Variants in BAZ2B observed in about 807,000 individuals in gnomAD.
BAZ2B encodes the protein bromodomain adjacent to zinc finger domain protein 2B.
Under a neutral mutation model 246.0 loss-of-function variants are expected in BAZ2B, and 91 were observed. That is an observed-to-expected ratio of 0.37 (90% confidence interval 0.31 to 0.44). BAZ2B has a LOEUF of 0.44. Ranked by LOEUF, BAZ2B falls within the 20% of genes least tolerant of loss-of-function variation. The probability of loss-of-function intolerance (pLI) is 1.00; values close to 1 mark genes in which losing one functional copy is unlikely to be tolerated. For missense variants in BAZ2B, 2,332 were observed against 2,533.7 expected (o/e 0.92, Z 1.71); for synonymous variants, 855 against 860.0 (o/e 0.99, Z 0.10).
intron 2 of BAZ2B, among the ~76,000 whole-genome samples, chr2:159,536,857 T>C (rs1332465098): frequency 6.6e-6 from 1 of 152,218 alleles, no homozygotes; most frequent in Non-Finnish European, 1.5e-5. Context: ...TTTGTTGACA[T>C]TGAAAGAACT....
At chr2:159,518,425 T>C (rs2083672628) in intron 2 of BAZ2B, among the ~76,000 whole-genome samples, 1 of 152,180 alleles carries the variant, frequency 6.6e-6, no homozygotes, top group South Asian at 2.1e-4. Flanking sequence ...GACCTGGTAG[T>C]GCTATACAGA....
intron 28 of BAZ2B, 64 bp from the exon 29 acceptor site, chr2:159,349,344 G>A (rs2094710687): frequency 5.6e-6 from 8 of 1,423,584 alleles, no homozygotes; most frequent in South Asian, 1.6e-5. Flanking sequence ...AAAAATGTTT[G>A]GAATATGAAA....
chr2:159,475,240 C>A (rs1409821975), intron 3 of BAZ2B, among the ~76,000 whole-genome samples: 7 of 152,108 alleles, frequency 4.6e-5, no homozygotes, highest in African/African-American at 1.7e-4. Context: ...TTCTTGGAGG[C>A]TTTGTTCTGT....
the BAZ2B span, among the ~76,000 whole-genome samples, chr2:159,627,519 CA>C: frequency 1.3e-5 from 2 of 152,104 alleles, no homozygotes; most frequent in Admixed American, 6.6e-5. Context: ...TCAACATATG[CA>C]AATCAATAAA....
intron 3 of BAZ2B, chr2:159,462,199 G>GA: frequency 1.6e-5 from 7 of 444,840 alleles, no homozygotes; most frequent in Non-Finnish European, 2.9e-5. Flanking sequence ...AGCAATAACA[G>GA]AAAATTACAA....
intron 13 of BAZ2B, among the ~76,000 whole-genome samples, chr2:159,414,516 G>A (rs2067325566): frequency 6.6e-6 from 1 of 152,112 alleles, no homozygotes; most frequent in Admixed American, 6.5e-5. Context: ...CTGTATGCCT[G>A]TATCAAAATA....
intron 20 of BAZ2B, among the ~76,000 whole-genome samples, chr2:159,390,308 C>G (rs142172828): frequency 9.6e-4 from 146 of 152,198 alleles, no homozygotes; most frequent in Admixed American, 3.9e-3. Context: ...CCAGACTCTT[C>G]TTTTCTAATC....
At chr2:159,608,085 T>C (rs905136105) in intron 1 of BAZ2B, among the ~76,000 whole-genome samples, 23 of 152,194 alleles carry the variant, frequency 1.5e-4, no homozygotes, top group Admixed American at 4.6e-4. Context: ...TATAGAAAAA[T>C]TCAGTCAGGC....
intron 3 of BAZ2B, 82 bp downstream of exon 3, chr2:159,478,493 A>AC: frequency 1.4e-6 from 2 of 1,415,622 alleles, no homozygotes; most frequent in Non-Finnish European, 1.9e-6. Flanking sequence ...TCATGAGAAT[A>AC]TTTTATTCAG....
chr2:159,336,587 C>T (rs957901493), intron 33 of BAZ2B, among the ~76,000 whole-genome samples: 4 of 152,086 alleles, frequency 2.6e-5, no homozygotes, highest in Non-Finnish European at 4.4e-5. Context: ...ATTTTAGCTA[C>T]GCAGTAATAT....
intron 6 of BAZ2B, among the ~76,000 whole-genome samples, chr2:159,443,772 C>T (rs2073845488): frequency 6.6e-6 from 1 of 152,020 alleles, no homozygotes. Context: ...GAAAGAGGTG[C>T]CTCTTTGAGT....
At chr2:159,454,824 C>A (rs1004538473) in intron 3 of BAZ2B, among the ~76,000 whole-genome samples, 63 of 152,130 alleles carry the variant, frequency 4.1e-4, no homozygotes, top group African/African-American at 1.5e-3. Context: ...CTGAGTAAGA[C>A]AATGTTCAAT....
At chr2:159,522,582 T>G (rs2084249619) in intron 2 of BAZ2B, among the ~76,000 whole-genome samples, 1 of 152,208 alleles carries the variant, frequency 6.6e-6, no homozygotes, top group Non-Finnish European at 1.5e-5. Flanking sequence ...CAACTACAAT[T>G]CTGTTAGAAA....
chr2:159,342,244 C>A (rs1286056991), intron 31 of BAZ2B, among the ~76,000 whole-genome samples: 2 of 152,094 alleles, frequency 1.3e-5, no homozygotes, highest in South Asian at 4.1e-4. Flanking sequence ...GGCCATACTG[C>A]CCAAAGCAAT....
chr2:159,668,442 TG>T, the BAZ2B span, among the ~76,000 whole-genome samples: 1 of 152,172 alleles, frequency 6.6e-6, no homozygotes, highest in Admixed American at 6.5e-5. Context: ...TGATGTTAAT[TG>T]GGGGTTTTCC....
chr2:159,415,123 T>C (rs898432712), intron 13 of BAZ2B, among the ~76,000 whole-genome samples: 7 of 152,060 alleles, frequency 4.6e-5, no homozygotes, highest in Non-Finnish European at 1.0e-4. Flanking sequence ...ATCATAAGCC[T>C]CCTAGTGGAG....
chr2:159,485,591 T>C (rs1005977544), intron 2 of BAZ2B, among the ~76,000 whole-genome samples: 6 of 152,066 alleles, frequency 3.9e-5, no homozygotes, highest in African/African-American at 1.4e-4. Context: ...TTCAGCAAGT[T>C]TCAGACTCCC....
chr2:159,630,242 G>A, the BAZ2B span, among the ~76,000 whole-genome samples: 5 of 152,334 alleles, frequency 3.3e-5, no homozygotes, highest in South Asian at 1.0e-3. Flanking sequence ...AGGATTGCTT[G>A]AGCCCAGGAG....
rs35847623 is a variant in BAZ2B, at chr2:159,321,435, TGAAA to T, written c.6354-1021_6354-1018del. On this transcript the variant is annotated intron_variant, in intron 36 of 36. Transcript: ENST00000392783. ...ACCCAAAAGAAAGGACATCAGTTTA[TGAAA>T]GAGATATTTGCACTCCTATGTTTGG... is the stretch of plus-strand genomic sequence containing the variant. Among the ~76,000 whole-genome samples the T allele has an allele frequency of 7.7e-3, 1,170 of 152,266 alleles. 7 individuals are homozygous for T. The highest frequency in any genetic ancestry group is 0.012 in the Non-Finnish European group (850 of 68,010).
Sources: gnomAD v4.1 joint callset for allele counts (sites outside exome capture counted in the v4.1 genomes callset) on GRCh38, gnomAD v4.1.1 for gene constraint, MANE v1.5 for transcripts, NCBI Gene and HGNC (gene_info 2026-07-23, HGNC 2026-07-21) for gene names.